Variants in CNTNAP2 observed in about 807,000 individuals in gnomAD.
CNTNAP2 encodes the protein contactin associated protein 2.
A neutral mutation model predicts 155.2 loss-of-function variants in CNTNAP2; 98 were observed. The observed-to-expected ratio is 0.63, with a 90% CI of 0.54 to 0.75. The LOEUF (loss-of-function observed/expected upper bound fraction) is 0.75. CNTNAP2 is among the 30% of genes least tolerant of loss of function. The pLI, the probability that CNTNAP2 is intolerant of heterozygous loss-of-function variation, is 0.00. For synonymous variants in CNTNAP2, 651 were observed against 631.2 expected, an observed-to-expected ratio of 1.03 and a Z score of -0.47; for missense variants, 1,727 against 1,688.1, an observed-to-expected ratio of 1.02 and a Z score of -0.40.
chr7:147,188,274 G>C (rs1406319400), intron 8 of CNTNAP2, among the ~76,000 whole-genome samples: 1 of 152,156 alleles, frequency 6.6e-6, no homozygotes, highest in Non-Finnish European at 1.5e-5. Flanking sequence ...CAAGACCAAG[G>C]ACAGCATGGT....
chr7:146,840,595 GAAGAAA>G (rs1044669277), intron 3 of CNTNAP2, among the ~76,000 whole-genome samples: 64 of 151,998 alleles, frequency 4.2e-4, no homozygotes, highest in African/African-American at 1.5e-3. Flanking sequence ...AGAAGAAGAA[GAAGAAA>G]AAGAAGATGA....
chr7:147,768,524 TTC>T (rs1056680611), intron 13 of CNTNAP2, among the ~76,000 whole-genome samples: 1 of 152,126 alleles, frequency 6.6e-6, no homozygotes, highest in Non-Finnish European at 1.5e-5. Flanking sequence ...TACTTTTTTA[TTC>T]TCTTTCTGAA....
chr7:146,780,511 C>T (rs1415811120), intron 2 of CNTNAP2, among the ~76,000 whole-genome samples: 1 of 152,062 alleles, frequency 6.6e-6, no homozygotes, highest in African/African-American at 2.4e-5. Context: ...TTTTAATGAT[C>T]ACCATTCTAA....
intron 10 of CNTNAP2, among the ~76,000 whole-genome samples, chr7:147,412,489 C>T (rs1053892299): frequency 2.6e-5 from 4 of 152,188 alleles, no homozygotes; most frequent in Non-Finnish European, 5.9e-5. Context: ...TTTATAATCA[C>T]ACATTCAAGA....
At chr7:146,206,268 A>G (rs1445194407) in intron 1 of CNTNAP2, among the ~76,000 whole-genome samples, 1 of 151,946 alleles carries the variant, frequency 6.6e-6, no homozygotes, top group Non-Finnish European at 1.5e-5. Flanking sequence ...ATAATTAATC[A>G]TTGGCCTTGA....
intron 10 of CNTNAP2, among the ~76,000 whole-genome samples, chr7:147,432,576 T>C (rs1002617956): frequency 1.3e-5 from 2 of 152,210 alleles, no homozygotes; most frequent in African/African-American, 2.4e-5. Context: ...CCAGCAAAGA[T>C]TTGTCCAGTG....
intron 13 of CNTNAP2, among the ~76,000 whole-genome samples, chr7:147,858,207 C>G (rs1201206125): frequency 6.6e-6 from 1 of 152,210 alleles, no homozygotes; most frequent in African/African-American, 2.4e-5. Context: ...CTGCCTCAGC[C>G]TCCTGAGTAT....
intron 13 of CNTNAP2, among the ~76,000 whole-genome samples, chr7:147,709,316 C>T (rs1032878926): frequency 1.3e-5 from 2 of 152,168 alleles, no homozygotes; most frequent in South Asian, 4.1e-4. Flanking sequence ...TATGCCCAAT[C>T]CCGCATCTTA....
At chr7:146,955,146 T>A (rs994955617) in intron 3 of CNTNAP2, among the ~76,000 whole-genome samples, 10 of 151,962 alleles carry the variant, frequency 6.6e-5, no homozygotes, top group Admixed American at 6.6e-4. Context: ...TAATATAGAT[T>A]TAATCATATA....
intron 3 of CNTNAP2, among the ~76,000 whole-genome samples, chr7:146,879,489 TATATA>T (rs1315748914): frequency 6.6e-6 from 1 of 152,016 alleles, no homozygotes; most frequent in African/African-American, 2.4e-5. Context: ...TTAAATAAAA[TATATA>T]ATATTAAATT....
chr7:148,379,533 G>A (rs957807731), intron 21 of CNTNAP2, among the ~76,000 whole-genome samples: 4 of 151,578 alleles, frequency 2.6e-5, no homozygotes, highest in Admixed American at 6.6e-5. Flanking sequence ...ACAAAACCCC[G>A]CCTCTACAAA....
At chr7:146,676,800 T>C (rs1800405925) in intron 1 of CNTNAP2, among the ~76,000 whole-genome samples, 1 of 152,164 alleles carries the variant, frequency 6.6e-6, no homozygotes, top group Non-Finnish European at 1.5e-5. Context: ...TGAGACTTTT[T>C]CACTACCATG....
chr7:147,223,953 A>AG (rs1215879324), intron 8 of CNTNAP2, among the ~76,000 whole-genome samples: 5 of 151,564 alleles, frequency 3.3e-5, no homozygotes, highest in South Asian at 4.1e-4. Flanking sequence ...AAAAAAAAAA[A>AG]AAAGAAAGAA....
intron 12 of CNTNAP2, among the ~76,000 whole-genome samples, chr7:147,580,061 A>G (rs961749959): frequency 6.6e-6 from 1 of 152,198 alleles, no homozygotes; most frequent in Non-Finnish European, 1.5e-5. Flanking sequence ...AAATTATTCA[A>G]CTGGATTCTA....
intron 12 of CNTNAP2, among the ~76,000 whole-genome samples, chr7:147,629,476 G>A (rs904469736): frequency 6.6e-6 from 1 of 150,564 alleles, no homozygotes; most frequent in Non-Finnish European, 1.5e-5. Context: ...TAGAACAAAT[G>A]GATTTAACAG....
intron 1 of CNTNAP2, among the ~76,000 whole-genome samples, chr7:146,334,829 A>G (rs1050854405): frequency 6.6e-6 from 1 of 152,196 alleles, no homozygotes; most frequent in Non-Finnish European, 1.5e-5. Flanking sequence ...GCCCCACTTC[A>G]GTTATCAGTA....
intron 15 of CNTNAP2, among the ~76,000 whole-genome samples, chr7:148,078,030 T>C (rs762257767): frequency 2.0e-5 from 3 of 152,178 alleles, no homozygotes; most frequent in Non-Finnish European, 4.4e-5. Context: ...TGGTTTCAGA[T>C]ATTAAAAAGA....
chr7:148,333,209 C>G (rs1434290255), intron 21 of CNTNAP2, among the ~76,000 whole-genome samples: 1 of 152,176 alleles, frequency 6.6e-6, no homozygotes, highest in Non-Finnish European at 1.5e-5. Flanking sequence ...AGGTGGATCA[C>G]CTGAGGTCAG....
At chr7:147,580,302 C>T (rs1045663266) in intron 12 of CNTNAP2, among the ~76,000 whole-genome samples, 3 of 152,226 alleles carry the variant, frequency 2.0e-5, no homozygotes, top group Non-Finnish European at 2.9e-5. Flanking sequence ...ACCCTGCCGT[C>T]CCTGGCCTCT....
Sources: gnomAD v4.1 joint callset for allele counts (sites outside exome capture counted in the v4.1 genomes callset) on GRCh38, gnomAD v4.1.1 for gene constraint, MANE v1.5 for transcripts, NCBI Gene and HGNC (gene_info 2026-07-23, HGNC 2026-07-21) for gene names.